The following PRKAR2B variants were observed in gnomAD, a reference collection of about 807,000 sequenced individuals.
PRKAR2B encodes the protein protein kinase cAMP-dependent type II regulatory subunit beta.
A neutral mutation model predicts 49.9 loss-of-function variants in PRKAR2B; 14 were observed. The observed-to-expected ratio is 0.28, with a 90% confidence interval of 0.19 to 0.44. The LOEUF is 0.44. PRKAR2B is among the 20% of genes least tolerant of loss of function. PRKAR2B has a pLI of 1.00. For missense variants in PRKAR2B, 393 were observed against 537.9 expected (o/e 0.73, Z 2.67); for synonymous variants, 196 against 197.7 (o/e 0.99, Z 0.07).
At chr7:107,075,137 T>C (rs1196765638) in intron 2 of PRKAR2B, among the ~76,000 whole-genome samples, 2 of 151,654 alleles carry the variant, frequency 1.3e-5, no homozygotes, top group African/African-American at 4.8e-5. Flanking sequence ...GGAGTCTCGC[T>C]CTGTCACCAG....
chr7:107,054,917 T>G (rs1031621733), intron 1 of PRKAR2B, among the ~76,000 whole-genome samples: 1 of 152,178 alleles, frequency 6.6e-6, no homozygotes, highest in African/African-American at 2.4e-5. Flanking sequence ...ACCCATTAAC[T>G]CTTCATTTAA....
At chr7:107,129,997 T>G (rs1795573461) in intron 4 of PRKAR2B, among the ~76,000 whole-genome samples, 1 of 152,154 alleles carries the variant, frequency 6.6e-6, no homozygotes, top group African/African-American at 2.4e-5. Context: ...ATCCTGTGAC[T>G]TAGAATGCCT....
chr7:107,073,666 T>C (rs371098478), intron 2 of PRKAR2B, among the ~76,000 whole-genome samples: 4 of 152,322 alleles, frequency 2.6e-5, no homozygotes, highest in African/African-American at 9.6e-5. Context: ...TTTTAAACAG[T>C]ACCTCATGGT....
chr7:107,149,534 G>C (rs1795946973), intron 6 of PRKAR2B, among the ~76,000 whole-genome samples: 1 of 151,990 alleles, frequency 6.6e-6, no homozygotes, highest in African/African-American at 2.4e-5. Context: ...AGCTCATTGG[G>C]ATCTCTTTTA....
intron 4 of PRKAR2B, among the ~76,000 whole-genome samples, chr7:107,132,771 C>G (rs1795626121): frequency 6.6e-6 from 1 of 152,096 alleles, no homozygotes; most frequent in Non-Finnish European, 1.5e-5. Flanking sequence ...TTTGTGTCTA[C>G]TATTTCATTT....
chr7:107,101,135 A>ATTTTTTTTTTTTTTT (rs950761298), intron 2 of PRKAR2B, among the ~76,000 whole-genome samples: 3 of 94,688 alleles, frequency 3.2e-5, no homozygotes, highest in African/African-American at 4.2e-5. Context: ...GTTGTTGCTT[A>ATTTTTTTTTTTTTTT]TTTTTTTTTT....
chr7:107,084,786 A>AT (rs113164310), intron 2 of PRKAR2B, among the ~76,000 whole-genome samples: 12 of 148,182 alleles, frequency 8.1e-5, no homozygotes, highest in South Asian at 4.3e-4. Context: ...TGCCTGGCTA[A>AT]TTTTTTTTTT....
In PRKAR2B at chr7:107,160,805, C is replaced by G. The variant is rs1010185322; in HGVS notation, c.*1223C>G. The stretch of plus-strand genomic sequence containing the variant: ...ATAGTTGAAATTAGTGCAGAAAGAA[C>G]TCAGATGTACTAGATTTTCATTGTT... On this transcript the variant is annotated 3_prime_UTR_variant, in exon 11 of 11. Transcript: ENST00000265717. 1 of 152,158 alleles carries G rather than the reference C, an allele frequency of 6.6e-6. No homozygotes were observed. The highest frequency in any genetic ancestry group is 1.5e-5 in the Non-Finnish European group (1 of 68,020). The allele number at this position is 152,158 out of a possible 1,614,324, so 9.4% of individuals were successfully genotyped here. A position where few individuals can be genotyped will look rare whatever the true frequency, so the allele number is the denominator to read the frequency against.
intron 2 of PRKAR2B, among the ~76,000 whole-genome samples, chr7:107,097,882 G>C (rs1264530128): frequency 1.3e-5 from 2 of 152,180 alleles, no homozygotes; most frequent in Non-Finnish European, 2.9e-5. Flanking sequence ...GAGATCCACT[G>C]TTAGTCTGAT....
In PRKAR2B at chr7:107,070,300, C is replaced by T. The variant is rs1794238566; in HGVS notation, c.327C>T (p.Phe109=). ...GAFNAPVINR[F]TRRASVCAEA... ...TTTTAGCTCCAGTAATAAACCGATTCACAAGGCGTGCCTCAGGTAAGTCTG... is the reference window on the plus strand; with the variant it reads ...TTTTAGCTCCAGTAATAAACCGATTTACAAGGCGTGCCTCAGGTAAGTCTG... The change falls in exon 2 of 11, where the codon TTC becomes TTT. Residue 109 remains phenylalanine, a synonymous_variant. Transcript: ENST00000265717. The T allele has an allele frequency of 1.2e-6, 2 of 1,606,886 alleles. No homozygotes were observed. The highest frequency in any genetic ancestry group is 1.7e-6 in the Non-Finnish European group (2 of 1,175,062).
At chr7:107,096,145 G>A (rs1794832075) in intron 2 of PRKAR2B, among the ~76,000 whole-genome samples, 2 of 152,088 alleles carry the variant, frequency 1.3e-5, no homozygotes. Context: ...GACTCTTTTT[G>A]GTTAGTAGGC....
chr7:107,104,782 G>A (rs189167268), intron 2 of PRKAR2B, among the ~76,000 whole-genome samples: 2 of 152,246 alleles, frequency 1.3e-5, no homozygotes, highest in East Asian at 3.9e-4. Flanking sequence ...GGGAGTCTGG[G>A]TGCAAATGTG....
At chr7:107,141,043 G>A (rs1795782315) in intron 5 of PRKAR2B, 90 bp downstream of exon 5, 1 of 905,862 alleles carries the variant, frequency 1.1e-6, no homozygotes, top group Admixed American at 2.3e-5. Context: ...GGTTAATATA[G>A]GATAGTTGTT....
At chr7:107,045,242 C>T in intron 1 of PRKAR2B, 28 bp downstream of exon 1, 8 of 1,399,494 alleles carry the variant, frequency 5.7e-6, no homozygotes, top group Non-Finnish European at 7.4e-6. Flanking sequence ...CACTTCGCGC[C>T]CCCGGATCCC....
intron 1 of PRKAR2B, among the ~76,000 whole-genome samples, chr7:107,054,506 A>G (rs546399606): frequency 1.5e-4 from 23 of 152,132 alleles, no homozygotes; most frequent in African/African-American, 5.3e-4. Context: ...TCTTTTCCCA[A>G]AGGTTTAGTT....
At chr7:107,077,517 T>G (rs146884106) in intron 2 of PRKAR2B, 17 of 152,358 alleles carry the variant, frequency 1.1e-4, no homozygotes, top group African/African-American at 4.1e-4. Flanking sequence ...ATTCTAGGTA[T>G]TTCTATTCAG....
chr7:107,129,793 T>A (rs574771977), intron 4 of PRKAR2B, among the ~76,000 whole-genome samples: 1 of 152,302 alleles, frequency 6.6e-6, no homozygotes, highest in East Asian at 1.9e-4. Flanking sequence ...TTTTAGATCA[T>A]ATAGGGTAAC....
chr7:107,070,216 C>A, intron 1 of PRKAR2B, 65 bp from the exon 2 acceptor site: 1 of 1,256,362 alleles, frequency 8.0e-7, no homozygotes, highest in East Asian at 2.4e-5. Context: ...CCAATTTGAG[C>A]CTTTTCAGGG....
chr7:107,064,948 A>G (rs944165542), intron 1 of PRKAR2B, among the ~76,000 whole-genome samples: 3 of 152,216 alleles, frequency 2.0e-5, no homozygotes, highest in African/African-American at 7.2e-5. Flanking sequence ...ACCTTTTAAA[A>G]AAGTTAATTA....
Sources: gnomAD v4.1 joint callset for allele counts (sites outside exome capture counted in the v4.1 genomes callset) on GRCh38, gnomAD v4.1.1 for gene constraint, MANE v1.5 for transcripts, NCBI Gene and HGNC (gene_info 2026-07-23, HGNC 2026-07-21) for gene names.